CNTN5: variants seen among roughly 807,000 people sequenced by gnomAD.
CNTN5 encodes the protein contactin-5.
Under a neutral mutation model 129.1 loss-of-function variants are expected in CNTN5, and 77 were observed. The ratio of observed to expected loss-of-function variants is 0.60; its 90% confidence interval spans 0.50 to 0.72. CNTN5 has a LOEUF of 0.72. Among genes scored for constraint, CNTN5 ranks in the 30% least tolerant of loss-of-function variants. The probability of loss-of-function intolerance (pLI) is 0.00; values close to 1 mark genes in which losing one functional copy is unlikely to be tolerated. For missense variants in CNTN5, 1,478 were observed against 1,328.8 expected (o/e 1.11, Z -1.75); for synonymous variants, 509 against 465.6 (o/e 1.09, Z -1.20).
chr11:100,019,463 G>A (rs1941012380), intron 9 of CNTN5, among the ~76,000 whole-genome samples: 1 of 151,710 alleles, frequency 6.6e-6, no homozygotes. Context: ...TCTATGTCTG[G>A]CTTATTTCGC....
At chr11:99,181,912 G>A (rs1420576726) in intron 1 of CNTN5, among the ~76,000 whole-genome samples, 1 of 152,172 alleles carries the variant, frequency 6.6e-6, no homozygotes, top group African/African-American at 2.4e-5. Flanking sequence ...ACCCGCATCT[G>A]AGGTTATATA....
At chr11:99,715,626 A>G (rs1955185829) in intron 3 of CNTN5, among the ~76,000 whole-genome samples, 2 of 152,026 alleles carry the variant, frequency 1.3e-5, no homozygotes, top group East Asian at 3.9e-4. Context: ...GGAGTAATAA[A>G]CAAAAAGAAA....
At chr11:99,556,609 T>C (rs1173639776) in intron 3 of CNTN5, among the ~76,000 whole-genome samples, 1 of 137,086 alleles carries the variant, frequency 7.3e-6, no homozygotes, top group African/African-American at 2.6e-5. Context: ...CACACATATA[T>C]ACATACATAT....
chr11:99,839,407 C>T (rs796478536), intron 4 of CNTN5, among the ~76,000 whole-genome samples: 4 of 151,894 alleles, frequency 2.6e-5, no homozygotes, highest in East Asian at 1.9e-4. Flanking sequence ...CTATGACAAG[C>T]GTTTTATATA....
rs1209500806 is a variant in CNTN5, at chr11:99,085,007, AAAG to A, written c.-210+63742_-210+63744del. Among the ~76,000 whole-genome samples, 10 of 152,232 alleles carry A rather than the reference AAAG, an allele frequency of 6.6e-5. No homozygotes were observed. The East Asian group carries it at 1.7e-3, about 26-fold the overall frequency. On this transcript the variant is annotated intron_variant, in intron 1 of 24. Transcript: ENST00000524871. ...TCATTTTCACATTATGTTGGTGAGG[AAAG>A]AAGATTTGTTAAGAAAGTTACATAT...
intron 2 of CNTN5, among the ~76,000 whole-genome samples, chr11:99,336,342 G>A (rs966264493): frequency 3.3e-5 from 5 of 152,080 alleles, no homozygotes; most frequent in South Asian, 2.1e-4. Flanking sequence ...GGTATGCCAC[G>A]CAGGAAATAA....
intron 6 of CNTN5, among the ~76,000 whole-genome samples, chr11:99,864,272 G>T (rs1948295035): frequency 6.6e-6 from 1 of 151,888 alleles, no homozygotes; most frequent in Non-Finnish European, 1.5e-5. Context: ...GAATGAAAGA[G>T]ATACTATCCT....
At chr11:99,462,481 T>C (rs1390164189) in intron 2 of CNTN5, among the ~76,000 whole-genome samples, 2 of 151,632 alleles carry the variant, frequency 1.3e-5, no homozygotes, top group Non-Finnish European at 2.9e-5. Flanking sequence ...CTGGAAGAAA[T>C]ATTAGCTCAA....
intron 2 of CNTN5, among the ~76,000 whole-genome samples, chr11:99,435,426 A>G (rs1943560211): frequency 6.6e-6 from 1 of 152,128 alleles, no homozygotes; most frequent in African/African-American, 2.4e-5. Flanking sequence ...TGCTATCTCA[A>G]CAGGGGTTCT....
intron 1 of CNTN5, among the ~76,000 whole-genome samples, chr11:99,258,590 G>C (rs561374903): frequency 6.6e-6 from 1 of 151,888 alleles, no homozygotes; most frequent in East Asian, 1.9e-4. Flanking sequence ...CCCTCTCCAA[G>C]TATGCAGAGA....
intron 15 of CNTN5, among the ~76,000 whole-genome samples, chr11:100,202,499 C>T (rs1948805188): frequency 6.6e-6 from 1 of 150,802 alleles, no homozygotes; most frequent in Non-Finnish European, 1.5e-5. Flanking sequence ...CAATCTCCTG[C>T]CCCTTTGCCA....
At chr11:100,222,476 TATAA>T (rs1949286146) in intron 15 of CNTN5, among the ~76,000 whole-genome samples, 1 of 152,164 alleles carries the variant, frequency 6.6e-6, no homozygotes, top group African/African-American at 2.4e-5. Context: ...CCAGGAGATA[TATAA>T]ATAAATTATT....
chr11:99,300,332 A>T (rs1379532124), intron 1 of CNTN5, among the ~76,000 whole-genome samples: 2 of 151,968 alleles, frequency 1.3e-5, no homozygotes, highest in Non-Finnish European at 2.9e-5. Context: ...ATCATGAGAG[A>T]TGCTGTATTT....
At chr11:99,364,213 T>G (rs1939306241) in intron 2 of CNTN5, among the ~76,000 whole-genome samples, 1 of 152,148 alleles carries the variant, frequency 6.6e-6, no homozygotes. Flanking sequence ...TAGATGGTGT[T>G]AGCTAAATTA....
intron 8 of CNTN5, among the ~76,000 whole-genome samples, chr11:99,963,378 G>A (rs995954379): frequency 3.3e-5 from 5 of 152,082 alleles, no homozygotes; most frequent in Non-Finnish European, 5.9e-5. Context: ...TCTACATATG[G>A]CTAGCCAGTT....
chr11:99,125,924 G>A lies in CNTN5; in HGVS notation c.-210+104654G>A, dbSNP rs116068771. 2.1e-3 allele frequency among the ~76,000 whole-genome samples: 313 copies of A among 152,162 alleles called. 1 individual carries two copies. Among genetic ancestry groups the A allele is most frequent in the African/African-American group, 7.0e-3 (290 of 41,520 alleles). Reference sequence around the variant, plus strand: ...AATCTACAAAATGAGAAATAAAAATGAGGCTCTAATTCGTACAATTCCACT... The same window carrying A: ...AATCTACAAAATGAGAAATAAAAATAAGGCTCTAATTCGTACAATTCCACT... On this transcript the variant is annotated intron_variant, in intron 1 of 24. Coordinates refer to ENST00000524871, the MANE Select transcript of CNTN5 (RefSeq NM_014361.4).
intron 23 of CNTN5, among the ~76,000 whole-genome samples, chr11:100,349,693 A>G (rs1433788703): frequency 6.6e-6 from 1 of 151,904 alleles, no homozygotes; most frequent in Non-Finnish European, 1.5e-5. Flanking sequence ...CACTTATAAT[A>G]CCAATTATGA....
intron 13 of CNTN5, among the ~76,000 whole-genome samples, chr11:100,182,565 A>C (rs950477989): frequency 6.6e-6 from 1 of 152,132 alleles, no homozygotes; most frequent in Admixed American, 6.6e-5. Context: ...CATCATTTCA[A>C]AATCAAAGTA....
chr11:99,880,407 G>C (rs990616860), intron 6 of CNTN5, among the ~76,000 whole-genome samples: 1 of 152,142 alleles, frequency 6.6e-6, no homozygotes, highest in East Asian at 1.9e-4. Flanking sequence ...AAATATGAAA[G>C]AGAATAACTG....
Sources: allele counts gnomAD v4.1 joint callset (sites outside exome capture counted in the v4.1 genomes callset), GRCh38; gene constraint gnomAD v4.1.1; transcripts MANE v1.5; gene names NCBI Gene and HGNC (gene_info 2026-07-23, HGNC 2026-07-21).